The following EPHB1 variants were observed in gnomAD, a reference collection of about 807,000 sequenced individuals.
EPHB1 encodes EPH receptor B1.
A neutral mutation model predicts 94.4 loss-of-function variants in EPHB1; 30 were observed. The ratio of observed to expected loss-of-function variants is 0.32; its 90% CI spans 0.24 to 0.43. EPHB1 has a LOEUF of 0.43. Among genes scored for constraint, EPHB1 ranks in the 20% least tolerant of loss-of-function variants. The pLI, the probability that EPHB1 is intolerant of heterozygous loss-of-function variation, is 1.00. For synonymous variants in EPHB1, 522 were observed against 489.1 expected, an observed-to-expected ratio of 1.07 and a Z score of -0.89; for missense variants, 1,055 against 1,308.3, an observed-to-expected ratio of 0.81 and a Z score of 2.99.
At chr3:134,882,789 T>TCTTC (rs2108312416) in intron 1 of EPHB1, among the ~76,000 whole-genome samples, 1 of 69,522 alleles carries the variant, frequency 1.4e-5, no homozygotes, top group Non-Finnish European at 3.3e-5. Context: ...TTTCTTTCTT[T>TCTTC]CTTTCTTTCT....
intron 1 of EPHB1, among the ~76,000 whole-genome samples, chr3:134,907,852 A>G (rs905188794): frequency 3.3e-5 from 5 of 152,188 alleles, no homozygotes; most frequent in Non-Finnish European, 7.3e-5. Context: ...TGTCTATGTC[A>G]GTGTTTGCCC....
At chr3:134,977,532 T>C (rs1471121221) in intron 3 of EPHB1, among the ~76,000 whole-genome samples, 4 of 152,122 alleles carry the variant, frequency 2.6e-5, no homozygotes. Flanking sequence ...TTTCTCCACA[T>C]CCCCTGCCTC....
chr3:135,236,464 T>C (rs1943654926), intron 12 of EPHB1, among the ~76,000 whole-genome samples: 1 of 152,164 alleles, frequency 6.6e-6, no homozygotes, highest in African/African-American at 2.4e-5. Flanking sequence ...CAACATGTCT[T>C]TTGTGGGGAT....
chr3:134,845,459 A>T (rs761516369), intron 1 of EPHB1, among the ~76,000 whole-genome samples: 1 of 152,264 alleles, frequency 6.6e-6, no homozygotes, highest in Non-Finnish European at 1.5e-5. Context: ...ACAGGCATAA[A>T]AAATAACTTG....
intron 12 of EPHB1, among the ~76,000 whole-genome samples, chr3:135,218,463 A>C (rs867139658): frequency 6.6e-6 from 1 of 152,240 alleles, no homozygotes; most frequent in African/African-American, 2.4e-5. Flanking sequence ...GGGTGGGATC[A>C]GTATGGAATT....
At chr3:135,084,150 T>C (rs1455900389) in intron 3 of EPHB1, among the ~76,000 whole-genome samples, 3 of 152,322 alleles carry the variant, frequency 2.0e-5, no homozygotes, top group Non-Finnish European at 4.4e-5. Context: ...TGGAATAGCT[T>C]TTTGCCATGT....
chr3:134,945,985 A>T (rs1023875886), intron 2 of EPHB1, among the ~76,000 whole-genome samples: 1 of 152,208 alleles, frequency 6.6e-6, no homozygotes, highest in Admixed American at 6.5e-5. Context: ...CATCATTCCT[A>T]AGGATCTGGG....
Position 134,860,586 on chromosome 3 carries a change from G to A in EPHB1, c.58+64897G>A, listed in dbSNP as rs570731616. 1.0e-3 allele frequency among the ~76,000 whole-genome samples: 156 copies of A among 152,172 alleles called. 2 individuals are homozygous for A. The South Asian group carries it at 0.031, about 30-fold the overall frequency. The stretch of plus-strand genomic sequence containing the variant: ...TCCCAGCACTTTGGGAGGCCGAGAC[G>A]GGCAGATCACGATGTCAGGAGATCA... On this transcript the variant is annotated intron_variant, in intron 1 of 15. Transcript: ENST00000398015.
chr3:135,194,262 C>G (rs1203040878), intron 11 of EPHB1, among the ~76,000 whole-genome samples: 10 of 152,190 alleles, frequency 6.6e-5, no homozygotes, highest in Non-Finnish European at 5.9e-5. Flanking sequence ...ACAGTATAAC[C>G]TGCCATCAAT....
chr3:134,855,621 A>G (rs1224554138), intron 1 of EPHB1, among the ~76,000 whole-genome samples: 1 of 152,036 alleles, frequency 6.6e-6, no homozygotes, highest in Non-Finnish European at 1.5e-5. Flanking sequence ...CTGATTGAGT[A>G]GTAACTATTA....
chr3:135,176,034 A>G (rs993797005), intron 9 of EPHB1, among the ~76,000 whole-genome samples: 1 of 149,022 alleles, frequency 6.7e-6, no homozygotes, highest in Non-Finnish European at 1.5e-5. Context: ...CTGCCTAGCT[A>G]AAGGCTTTTT....
intron 5 of EPHB1, among the ~76,000 whole-genome samples, chr3:135,152,757 A>G (rs755017776): frequency 2.0e-5 from 3 of 152,160 alleles, no homozygotes; most frequent in Non-Finnish European, 2.9e-5. Flanking sequence ...GCTCTCATTC[A>G]TTGGCTGGGA....
At chr3:135,102,214 T>C (rs1346837553) in intron 3 of EPHB1, among the ~76,000 whole-genome samples, 4 of 152,214 alleles carry the variant, frequency 2.6e-5, no homozygotes, top group African/African-American at 7.2e-5. Context: ...TTGTTTAAAA[T>C]TGTACAGTCT....
chr3:135,038,948 C>T (rs1017087328), intron 3 of EPHB1, among the ~76,000 whole-genome samples: 6 of 151,422 alleles, frequency 4.0e-5, no homozygotes, highest in Admixed American at 6.6e-5. Flanking sequence ...TGTTTTGTCA[C>T]GGCGCTGATT....
At chr3:134,800,084 G>A (rs1392685906) in intron 1 of EPHB1, among the ~76,000 whole-genome samples, 1 of 152,084 alleles carries the variant, frequency 6.6e-6, no homozygotes, top group Non-Finnish European at 1.5e-5. Context: ...AATCAACATG[G>A]GTGGTGACAG....
rs370495196 is a variant in EPHB1, at chr3:134,822,182, A to G, written c.58+26493A>G. ...TCCCTCTGCTTGACCACTGCCTGGG[A>G]CCAAGCTTTAGGCCCTGTGGCTCCT... On this transcript the variant is annotated intron_variant, in intron 1 of 15. Transcript: ENST00000398015. Among the ~76,000 whole-genome samples the G allele has an allele frequency of 3.0e-3, 454 of 152,232 alleles. 2 individuals carry two copies. The highest frequency in any genetic ancestry group is 0.011 in the African/African-American group (440 of 41,534).
rs146314835 is a variant in EPHB1, at chr3:135,107,099, A to G, written c.961+496A>G. On this transcript the variant is annotated intron_variant, in intron 4 of 15. Transcript: ENST00000398015. ...ATGAAGACTATTGTGTGCCAGGACC[A>G]TATATTCATCTTCTTGTGTCCCTTC... 4.9e-3 allele frequency among the ~76,000 whole-genome samples: 753 copies of G among 152,288 alleles called. 4 individuals are homozygous for G. The highest frequency in any genetic ancestry group is 8.2e-3 in the Non-Finnish European group (556 of 68,020).
chr3:134,910,285 T>G (rs2038424812), intron 1 of EPHB1, among the ~76,000 whole-genome samples: 1 of 151,814 alleles, frequency 6.6e-6, no homozygotes, highest in Non-Finnish European at 1.5e-5. Context: ...CACAGCAGAG[T>G]AGGAGGGCAG....
intron 3 of EPHB1, among the ~76,000 whole-genome samples, chr3:135,092,445 A>G (rs1237131455): frequency 1.3e-5 from 2 of 152,124 alleles, no homozygotes; most frequent in African/African-American, 2.4e-5. Context: ...CTTCTAAAGC[A>G]CAGGTTCCTC....
Sources: gnomAD v4.1 joint callset for allele counts (sites outside exome capture counted in the v4.1 genomes callset) on GRCh38, gnomAD v4.1.1 for gene constraint, MANE v1.5 for transcripts, NCBI Gene and HGNC (gene_info 2026-07-23, HGNC 2026-07-21) for gene names.